The following CNTN5 variants were observed in gnomAD, a reference collection of about 807,000 sequenced individuals.
CNTN5 encodes contactin 5.
CNTN5 carries 77 observed loss-of-function variants against 129.1 expected under a neutral mutation model. The ratio of observed to expected loss-of-function variants is 0.60; its 90% CI spans 0.50 to 0.72. CNTN5 has a LOEUF of 0.72. Among genes scored for constraint, CNTN5 ranks in the 30% least tolerant of loss-of-function variants. The pLI, the probability that CNTN5 is intolerant of heterozygous loss-of-function variation, is 0.00. For synonymous variants in CNTN5, 509 were observed against 465.6 expected, an observed-to-expected ratio of 1.09 and a Z score of -1.20; for missense variants, 1,478 against 1,328.8, an observed-to-expected ratio of 1.11 and a Z score of -1.75.
chr11:99,415,316 A>T (rs557501155), intron 2 of CNTN5, among the ~76,000 whole-genome samples: 1 of 97,950 alleles, frequency 1.0e-5, no homozygotes, highest in African/African-American at 3.5e-5. Context: ...GTGACTGGAT[A>T]AAAAAAAAAT....
chr11:99,870,745 AC>A (rs1277481302), intron 6 of CNTN5, among the ~76,000 whole-genome samples: 1 of 152,082 alleles, frequency 6.6e-6, no homozygotes, highest in African/African-American at 2.4e-5. Context: ...TCTCACCAAA[AC>A]CTTCATCATA....
intron 18 of CNTN5, among the ~76,000 whole-genome samples, chr11:100,278,095 T>C (rs569229440): frequency 1.3e-5 from 2 of 152,108 alleles, no homozygotes; most frequent in South Asian, 4.1e-4. Context: ...GTTCTGAGAA[T>C]TTTTATTGGA....
At chr11:99,431,378 A>G (rs568478118) in intron 2 of CNTN5, among the ~76,000 whole-genome samples, 7 of 152,150 alleles carry the variant, frequency 4.6e-5, no homozygotes, top group African/African-American at 1.7e-4. Flanking sequence ...GCCAGCTGAA[A>G]CTCCGGAAAG....
chr11:99,676,419 C>T (rs1341785244), intron 3 of CNTN5, among the ~76,000 whole-genome samples: 1 of 152,178 alleles, frequency 6.6e-6, no homozygotes, highest in Admixed American at 6.5e-5. Flanking sequence ...AATAAATAGA[C>T]TACATGCTTT....
rs572142303 is a variant in CNTN5 at position 99,766,087 on chromosome 11, A to G, written c.56-53457A>G. 5.9e-5 allele frequency among the ~76,000 whole-genome samples: 9 copies of G among 152,144 alleles called. No individual in the cohort carries two copies. In the South Asian group the frequency reaches 1.0e-3, roughly 18 times the overall value. On this transcript the variant is annotated intron_variant, in intron 3 of 24. Transcript: ENST00000524871. Reference sequence around the variant, plus strand: ...TATTGCAAATAATATCGTACTTCCTACTGACACAATATTATTTTATTATGA... The same window carrying G: ...TATTGCAAATAATATCGTACTTCCTGCTGACACAATATTATTTTATTATGA...
intron 1 of CNTN5, among the ~76,000 whole-genome samples, chr11:99,080,871 C>T (rs1041549821): frequency 2.0e-4 from 31 of 152,056 alleles, no homozygotes; most frequent in African/African-American, 6.5e-4. Flanking sequence ...TTTTAGACAA[C>T]GTGCATAACT....
At chr11:99,092,866 C>A (rs1216168356) in intron 1 of CNTN5, among the ~76,000 whole-genome samples, 1 of 151,632 alleles carries the variant, frequency 6.6e-6, no homozygotes, top group Non-Finnish European at 1.5e-5. Context: ...GTTTGTTGTA[C>A]CCTTTCTGTG....
At chr11:100,301,822 C>T (rs1379069459) in intron 20 of CNTN5, among the ~76,000 whole-genome samples, 1 of 151,600 alleles carries the variant, frequency 6.6e-6, no homozygotes, top group Non-Finnish European at 1.5e-5. Context: ...AATAGAACAT[C>T]TCTGGAATCC....
chr11:99,555,495 G>T (rs1948634521), intron 2 of CNTN5, among the ~76,000 whole-genome samples: 1 of 151,904 alleles, frequency 6.6e-6, no homozygotes, highest in Non-Finnish European at 1.5e-5. Context: ...ACTGGTTATT[G>T]TTATAAAAAT....
At chr11:99,606,800 T>C (rs1243953708) in intron 3 of CNTN5, among the ~76,000 whole-genome samples, 1 of 140,900 alleles carries the variant, frequency 7.1e-6, no homozygotes, top group Non-Finnish European at 1.6e-5. Context: ...GCCGCATATC[T>C]ACAACTATCT....
At chr11:100,041,432 C>A (rs1393797157) in intron 9 of CNTN5, among the ~76,000 whole-genome samples, 9 of 152,278 alleles carry the variant, frequency 5.9e-5, no homozygotes, top group Admixed American at 5.9e-4. Flanking sequence ...TAGTAAGTAC[C>A]TTATATATAA....
chr11:99,826,776 G>T lies in CNTN5; in HGVS notation c.277+7011G>T, dbSNP rs554032565. ...ATTAAGGAGTCTAAAAATTTTATCT[G>T]TGTTAACAGCAAGCCTCCATTAATC... On this transcript the variant is annotated intron_variant, in intron 4 of 24. Coordinates refer to ENST00000524871, the MANE Select transcript of CNTN5 (RefSeq NM_014361.4). 2.6e-5 allele frequency among the ~76,000 whole-genome samples: 4 copies of T among 152,286 alleles called. No individual in the cohort carries two copies. In the South Asian group the frequency reaches 8.3e-4, roughly 32 times the overall value.
At chr11:99,037,734 C>T (rs1302062483) in intron 1 of CNTN5, among the ~76,000 whole-genome samples, 2 of 151,876 alleles carry the variant, frequency 1.3e-5, no homozygotes, top group African/African-American at 4.8e-5. Flanking sequence ...CACGCCCCAC[C>T]ACGCACAGCT....
intron 3 of CNTN5, among the ~76,000 whole-genome samples, chr11:99,698,446 G>A (rs902599490): frequency 3.3e-5 from 5 of 151,290 alleles, no homozygotes; most frequent in African/African-American, 1.2e-4. Context: ...CCCTAACTGT[G>A]TTTTCATGAA....
At chr11:99,389,243 G>T (rs1423439943) in intron 2 of CNTN5, among the ~76,000 whole-genome samples, 1 of 151,910 alleles carries the variant, frequency 6.6e-6, no homozygotes, top group Non-Finnish European at 1.5e-5. Flanking sequence ...GACTAGGCTG[G>T]TCACAAATTC....
intron 13 of CNTN5, among the ~76,000 whole-genome samples, chr11:100,079,611 A>T (rs1335045765): frequency 1.3e-5 from 2 of 152,100 alleles, no homozygotes; most frequent in African/African-American, 2.4e-5. Flanking sequence ...ATGGGGAGTT[A>T]ATGGAAATAG....
chr11:99,857,016 CTCTA>C (rs150922410), intron 6 of CNTN5, among the ~76,000 whole-genome samples: 1,674 of 145,814 alleles, frequency 0.011, 15 homozygotes, highest in African/African-American at 0.026. Context: ...TTCCCTCTCT[CTCTA>C]TCTATCTCTA....
intron 9 of CNTN5, among the ~76,000 whole-genome samples, chr11:100,043,233 C>A (rs1942473857): frequency 6.6e-6 from 1 of 151,978 alleles, no homozygotes; most frequent in Admixed American, 6.6e-5. Flanking sequence ...TTTCATTTTC[C>A]CTAAGTTGTT....
At chr11:99,049,564 GTAA>G (rs142680281) in intron 1 of CNTN5, 12 of 152,186 alleles carry the variant, frequency 7.9e-5, no homozygotes, top group African/African-American at 2.9e-4. Context: ...CAGAAGCAAA[GTAA>G]TAATAATTTT....
Sources: gnomAD v4.1 joint callset for allele counts (sites outside exome capture counted in the v4.1 genomes callset) on GRCh38, gnomAD v4.1.1 for gene constraint, MANE v1.5 for transcripts, NCBI Gene and HGNC (gene_info 2026-07-23, HGNC 2026-07-21) for gene names.